DCAF5: variants seen among roughly 807,000 people sequenced by gnomAD.
The protein encoded by DCAF5 is DDB1 and CUL4 associated factor 5, also known as DDB1- and CUL4-associated factor 5.
DCAF5 carries 9 observed loss-of-function variants against 80.7 expected under a neutral mutation model. The ratio of observed to expected loss-of-function variants is 0.11; its 90% CI spans 0.07 to 0.19. The LOEUF (loss-of-function observed/expected upper bound fraction) is 0.19, where lower values mean the gene tolerates loss of function less well. Among genes scored for constraint, DCAF5 ranks in the 10% least tolerant of loss-of-function variants. The probability of loss-of-function intolerance (pLI) is 1.00; values close to 1 mark genes in which losing one functional copy is unlikely to be tolerated. For missense variants in DCAF5, 842 were observed against 1,205.7 expected, an observed-to-expected ratio of 0.70 and a Z score of 4.47; for synonymous variants, 433 against 461.9, an observed-to-expected ratio of 0.94 and a Z score of 0.80.
chr14:69,112,778 ATGTT>A (rs1273966943), intron 5 of DCAF5, among the ~76,000 whole-genome samples: 1 of 152,168 alleles, frequency 6.6e-6, no homozygotes, highest in African/African-American at 2.4e-5. Flanking sequence ...TGCTTAATAA[ATGTT>A]AGTTATTATT....
At chr14:69,085,105 A>G (rs2039265969) in intron 6 of DCAF5, 3 of 859,440 alleles carry the variant, frequency 3.5e-6, no homozygotes, top group Middle Eastern at 3.5e-4. Flanking sequence ...TACTTTTTTC[A>G]TAAGTCAGCT....
chr14:69,150,325 G>T (rs957552424), intron 1 of DCAF5, among the ~76,000 whole-genome samples: 1 of 152,132 alleles, frequency 6.6e-6, no homozygotes, highest in Non-Finnish European at 1.5e-5. Flanking sequence ...AAGCCTAGAA[G>T]AGTAAGGAAA....
rs1179421674 is a variant in DCAF5 at position 69,121,870 on chromosome 14, T to TA, written c.358+346dup. On this transcript the variant is annotated intron_variant, in intron 2 of 8. Coordinates refer to ENST00000341516, the MANE Select transcript of DCAF5 (RefSeq NM_003861.3). ...TCTTTAAAAATGAAATCGAATAGAA[T>TA]AAAAAAAAACCAGAGTGTGCCACAA... Among the ~76,000 whole-genome samples the TA allele has an allele frequency of 5.3e-5, 8 of 151,488 alleles. No homozygotes were observed. In the East Asian group the frequency reaches 5.8e-4, roughly 11 times the overall value.
chr14:69,056,694 T>C (rs2037984692), intron 8 of DCAF5, among the ~76,000 whole-genome samples: 2 of 152,270 alleles, frequency 1.3e-5, no homozygotes, highest in East Asian at 3.9e-4. Flanking sequence ...CCATCCTTCA[T>C]CTAGACCAAG....
chr14:69,055,124 T>C lies in DCAF5; in HGVS notation c.1562A>G (p.Asp521Gly). ...QRLSALRRYQDKRLLALSNES... is the reference protein window; with the variant it reads ...QRLSALRRYQGKRLLALSNES... ...ATTGGAAAGGGCCAGGAGGCGTTTG[T>C]CTTGGTAGCGCCGCAGAGCAGACAG... The change falls in exon 9 of 9, where the codon GAC becomes GGC. Residue 521 changes from aspartate (D) to glycine (G), a missense_variant. By Grantham distance (94) the Asp-to-Gly change is moderately conservative. Around this residue, in one of 5 missense-constraint regions of DCAF5, gnomAD observed 607 missense variants for 656.6 expected, o/e 0.92. Coordinates refer to ENST00000341516, the MANE Select transcript of DCAF5 (RefSeq NM_003861.3). This position sits in a 1 kb window ranked among gnomAD's most constrained non-coding sequence, Gnocchi z 5.6. The C allele has an allele frequency of 1.2e-5, 20 of 1,614,214 alleles. No individual in the cohort carries two copies. Among genetic ancestry groups the C allele is most frequent in the Non-Finnish European group, 1.7e-5 (20 of 1,180,038 alleles).
At chr14:69,137,535 T>C (rs775599655) in intron 1 of DCAF5, among the ~76,000 whole-genome samples, 2 of 152,220 alleles carry the variant, frequency 1.3e-5, no homozygotes, top group South Asian at 2.1e-4. Context: ...TAAAGCTTTC[T>C]TGTCTCTTCT....
chr14:69,093,618 AG>A (rs1190024765), intron 5 of DCAF5, among the ~76,000 whole-genome samples: 18 of 152,202 alleles, frequency 1.2e-4, no homozygotes, highest in Non-Finnish European at 2.2e-4. Context: ...CACAGTACAA[AG>A]GCAGCTGCCA....
intron 1 of DCAF5, among the ~76,000 whole-genome samples, chr14:69,140,170 G>A (rs2041321241): frequency 6.6e-6 from 1 of 151,984 alleles, no homozygotes; most frequent in Non-Finnish European, 1.5e-5. Flanking sequence ...GGGAAGCTGA[G>A]GCACGAGAAT....
At chr14:69,070,306 A>G (rs2038636107) in intron 7 of DCAF5, among the ~76,000 whole-genome samples, 1 of 152,232 alleles carries the variant, frequency 6.6e-6, no homozygotes, top group Non-Finnish European at 1.5e-5. Context: ...CAAATCCATT[A>G]CTTTCATACC....
intron 6 of DCAF5, among the ~76,000 whole-genome samples, chr14:69,081,200 C>T (rs2139926773): frequency 6.6e-6 from 1 of 152,266 alleles, no homozygotes; most frequent in South Asian, 2.1e-4. Flanking sequence ...TAGATAAATA[C>T]TTCATTATCT....
chr14:69,108,736 T>C (rs2040250657), intron 5 of DCAF5, among the ~76,000 whole-genome samples: 1 of 152,136 alleles, frequency 6.6e-6, no homozygotes. Context: ...TAAACCTATG[T>C]ATGGTAAAGA....
rs1433688514 is a variant in DCAF5, at chr14:69,054,431, T to C, written c.2255A>G (p.His752Arg). Residue 752 changes from histidine to arginine, a missense_variant, in exon 9 of 9, where the codon CAT (histidine) becomes CGT (arginine). By Grantham distance (29) the His-to-Arg change is conservative. Transcript: ENST00000341516. ...SNGPGHEHSSHAWAEVPEGTS... is the reference protein window; with the variant it reads ...SNGPGHEHSSRAWAEVPEGTS... The stretch of plus-strand genomic sequence containing the variant: ...ACCCTCTGGCACCTCTGCCCAAGCA[T>C]GGCTGCTGTGCTCATGGCCTGGGCC... The C allele has an allele frequency of 1.9e-6, 3 of 1,614,010 alleles. No individual in the cohort carries two copies. The African/African-American group carries it at 4.0e-5, about 22-fold the overall frequency.
intron 1 of DCAF5, among the ~76,000 whole-genome samples, chr14:69,148,064 C>A (rs2041592419): frequency 2.2e-5 from 3 of 136,716 alleles, no homozygotes; most frequent in Non-Finnish European, 4.6e-5. Context: ...TCTGATTGGT[C>A]ATCCAATCAG....
chr14:69,151,634 C>T (rs1460893692), intron 1 of DCAF5, among the ~76,000 whole-genome samples: 1 of 152,136 alleles, frequency 6.6e-6, no homozygotes, highest in Admixed American at 6.5e-5. Flanking sequence ...GAGCCGCCCC[C>T]TAGCCCTCAC....
intron 8 of DCAF5, among the ~76,000 whole-genome samples, chr14:69,056,075 C>CCCAGCA (rs1210336306): frequency 3.9e-5 from 6 of 152,158 alleles, no homozygotes; most frequent in Non-Finnish European, 7.4e-5. Flanking sequence ...TGAAAACAGA[C>CCCAGCA]CCAGCACTCA....
intron 7 of DCAF5, among the ~76,000 whole-genome samples, chr14:69,068,039 C>A (rs1566726992): frequency 1.3e-5 from 2 of 152,212 alleles, no homozygotes; most frequent in Non-Finnish European, 2.9e-5. Flanking sequence ...GAAATGCTAA[C>A]TGCAGGAAAA....
intron 7 of DCAF5, among the ~76,000 whole-genome samples, chr14:69,074,244 C>T (rs2038813610): frequency 6.6e-6 from 1 of 152,164 alleles, no homozygotes; most frequent in African/African-American, 2.4e-5. Context: ...GGTCATTTTC[C>T]AGCTTAATGT....
intron 5 of DCAF5, among the ~76,000 whole-genome samples, chr14:69,101,746 C>G (rs940829694): frequency 5.3e-5 from 8 of 152,130 alleles, no homozygotes; most frequent in African/African-American, 1.7e-4. Flanking sequence ...GTGGTATAAC[C>G]TAGGCTACAA....
At chr14:69,082,651 C>G (rs185375542) in intron 6 of DCAF5, among the ~76,000 whole-genome samples, 168 of 152,306 alleles carry the variant, frequency 1.1e-3, no homozygotes, top group African/African-American at 3.9e-3. Context: ...ATTAGCCCCC[C>G]TCCATGGGCT....
Sources: gnomAD v4.1 joint callset for allele counts (sites outside exome capture counted in the v4.1 genomes callset) on GRCh38, gnomAD v4.1.1 for gene constraint, gnomAD v4.1.1 regional missense constraint, Gnocchi (gnomAD v3.1) non-coding constraint, MANE v1.5 for transcripts, NCBI Gene and HGNC (gene_info 2026-07-23, HGNC 2026-07-21) for gene names.